ZNF431: variants seen among roughly 807,000 people sequenced by gnomAD.
ZNF431 encodes zinc finger protein 431.
Under a neutral mutation model 57.0 loss-of-function variants are expected in ZNF431, and 34 were observed. The observed-to-expected ratio is 0.60, with a 90% CI of 0.45 to 0.79. The LOEUF is 0.79. Ranked by LOEUF, ZNF431 falls within the 30% of genes least tolerant of loss-of-function variation. The probability of loss-of-function intolerance (pLI) is 0.00; values close to 1 mark genes in which losing one functional copy is unlikely to be tolerated. For synonymous variants in ZNF431, 207 were observed against 220.3 expected, an observed-to-expected ratio of 0.94 and a Z score of 0.54; for missense variants, 607 against 667.1, an observed-to-expected ratio of 0.91 and a Z score of 0.99.
Position 21,161,915 on chromosome 19 carries a change from A to G in ZNF431, c.97-4420A>G, listed in dbSNP as rs900203680. On this transcript the variant is annotated intron_variant, in intron 2 of 4. Coordinates refer to ENST00000311048, the MANE Select transcript of ZNF431 (RefSeq NM_133473.4). ...GTGATTTTCCCACCTAGGCCTCCCA[A>G]AGTGTTGGGATTACAGGCGTGAGCC... Among the ~76,000 whole-genome samples the G allele has an allele frequency of 5.3e-5, 8 of 151,866 alleles. No individual in the cohort carries two copies. The East Asian group carries it at 5.8e-4, about 11-fold the overall frequency.
chr19:21,179,645 C>T (rs771428665), intron 4 of ZNF431, among the ~76,000 whole-genome samples: 23 of 149,424 alleles, frequency 1.5e-4, no homozygotes, highest in East Asian at 3.9e-4. Context: ...CTGCAACCTC[C>T]GCCTCCCAGG....
At chr19:21,167,715 C>CT in intron 4 of ZNF431, 49 bp downstream of exon 4, 1 of 1,333,328 alleles carries the variant, frequency 7.5e-7, no homozygotes, top group African/African-American at 1.5e-5. Flanking sequence ...AGGTCCAAAG[C>CT]TTAAAAAAAA....
At chr19:21,171,139 T>G (rs1040585180) in intron 4 of ZNF431, among the ~76,000 whole-genome samples, 3 of 152,218 alleles carry the variant, frequency 2.0e-5, no homozygotes, top group Admixed American at 6.5e-5. Context: ...AACGTAAAAT[T>G]TATCATATTT....
intron 4 of ZNF431, among the ~76,000 whole-genome samples, chr19:21,178,441 G>A (rs1237945371): frequency 6.6e-6 from 1 of 152,000 alleles, no homozygotes; most frequent in Non-Finnish European, 1.5e-5. Context: ...TCGGCTATGG[G>A]TTTGTCATAG....
At chr19:21,166,882 A>T (rs1302704756) in intron 3 of ZNF431, among the ~76,000 whole-genome samples, 1 of 152,012 alleles carries the variant, frequency 6.6e-6, no homozygotes, top group Non-Finnish European at 1.5e-5. Context: ...TATTTTTTTG[A>T]GATGGAATCT....
At chr19:21,166,498 C>T in intron 3 of ZNF431, 37 bp downstream of exon 3, 1 of 1,558,664 alleles carries the variant, frequency 6.4e-7, no homozygotes, top group Non-Finnish European at 8.6e-7. Context: ...TTAATATGCC[C>T]TAAATGTTTC....
intron 4 of ZNF431, chr19:21,169,917 G>A (rs1317181828): frequency 1.5e-5 from 6 of 398,436 alleles, no homozygotes; most frequent in Non-Finnish European, 2.7e-5. Flanking sequence ...GCAAATAGGT[G>A]TCTTCCTCCA....
rs11880331 is a variant in ZNF431, at chr19:21,170,020, G to T, written c.319+2354G>T. The T allele has an allele frequency of 5.4e-3, 2,132 of 394,802 alleles. 55 individuals carry two copies. Among genetic ancestry groups the T allele is most frequent in the African/African-American group, 0.038 (1,864 of 48,670 alleles). The allele number at this position is 394,802 out of a possible 1,614,324, so 24.5% of individuals were successfully genotyped here. On this transcript the variant is annotated intron_variant, in intron 4 of 4. Coordinates refer to ENST00000311048, the MANE Select transcript of ZNF431 (RefSeq NM_133473.4). Reference sequence around the variant, plus strand: ...ATTTCAGAATTCTCTGTTGGACCAAGTTGGGTGGACCATTTCTTGATCTGT... The same window carrying T: ...ATTTCAGAATTCTCTGTTGGACCAATTTGGGTGGACCATTTCTTGATCTGT...
intron 2 of ZNF431, among the ~76,000 whole-genome samples, chr19:21,144,620 A>G (rs1475067521): frequency 6.6e-6 from 1 of 152,162 alleles, no homozygotes; most frequent in Non-Finnish European, 1.5e-5. Flanking sequence ...TCCCAGAGTG[A>G]GTTTACAAGT....
In ZNF431 at chr19:21,142,202, C is replaced by A. The variant is rs897116757; in HGVS notation, c.3+16C>A. The A allele has an allele frequency of 1.9e-6, 3 of 1,612,896 alleles. No individual in the cohort carries two copies. In the East Asian group the frequency reaches 6.7e-5, roughly 36 times the overall value. On this transcript the variant is annotated intron_variant, in intron 1 of 4. Transcript: ENST00000311048. ...CCTAGAAATGGTGAGAGTGCCGGGTCGGACATCCCGAGAGAGGGGAAGGGC... is the reference window on the plus strand; with the variant it reads ...CCTAGAAATGGTGAGAGTGCCGGGTAGGACATCCCGAGAGAGGGGAAGGGC...
intron 2 of ZNF431, among the ~76,000 whole-genome samples, chr19:21,162,146 G>T (rs1294864453): frequency 4.1e-4 from 1 of 2,460 alleles, no homozygotes; most frequent in South Asian, 0.026. Context: ...CCAGCTAATT[G>T]TGTGTGTGTG....
chr19:21,146,409 G>GAA (rs59050670), intron 2 of ZNF431, among the ~76,000 whole-genome samples: 1 of 108,750 alleles, frequency 9.2e-6, no homozygotes. Flanking sequence ...CACTCTGTCT[G>GAA]AAAAAAAAAA....
chr19:21,180,776 A>C (rs1013918212), intron 4 of ZNF431, among the ~76,000 whole-genome samples: 1 of 152,020 alleles, frequency 6.6e-6, no homozygotes, highest in South Asian at 2.1e-4. Flanking sequence ...GTGAAACCCT[A>C]TCTCTACTAA....
At chr19:21,177,730 A>G (rs537818910) in intron 4 of ZNF431, among the ~76,000 whole-genome samples, 2 of 152,172 alleles carry the variant, frequency 1.3e-5, no homozygotes, top group South Asian at 2.1e-4. Flanking sequence ...GGAGGTTGCA[A>G]TGAGCTGAGA....
chr19:21,150,742 C>T (rs1024830638), intron 2 of ZNF431, among the ~76,000 whole-genome samples: 9 of 152,144 alleles, frequency 5.9e-5, no homozygotes, highest in African/African-American at 2.2e-4. Context: ...CTGAGTATTT[C>T]CCCATAATTG....
intron 4 of ZNF431, among the ~76,000 whole-genome samples, chr19:21,178,797 G>GTGTA (rs923000758): frequency 1.3e-5 from 2 of 149,388 alleles, no homozygotes; most frequent in African/African-American, 5.0e-5. Flanking sequence ...GAAGGTTTGT[G>GTGTA]TGTGTGTGTG....
chr19:21,178,768 T>G (rs1971127406), intron 4 of ZNF431, among the ~76,000 whole-genome samples: 1 of 150,948 alleles, frequency 6.6e-6, no homozygotes, highest in South Asian at 2.1e-4. Context: ...GCATTGATGT[T>G]TATCAGGAAT....
In ZNF431 at chr19:21,182,870, A is replaced by G; in HGVS notation, c.567A>G (p.Leu189=). The G allele has an allele frequency of 1.2e-6, 2 of 1,614,012 alleles. No individual in the cohort carries two copies. Among genetic ancestry groups the G allele is most frequent in the Non-Finnish European group, 1.7e-6 (2 of 1,179,930 alleles). ...DKYVKVFHKF[L]NANRHKTRHT... is the part of the protein sequence containing the mutation. Reference sequence around the variant, plus strand: ...ATGTGAAAGTCTTTCATAAATTTTTAAATGCAAATAGACATAAGACAAGAC... The same window carrying G: ...ATGTGAAAGTCTTTCATAAATTTTTGAATGCAAATAGACATAAGACAAGAC... Residue 189 remains leucine (L), a synonymous_variant, in exon 5 of 5, where the codon TTA becomes TTG. Coordinates refer to ENST00000311048, the MANE Select transcript of ZNF431 (RefSeq NM_133473.4).
At chr19:21,160,350 TAA>T (rs1273657495) in intron 2 of ZNF431, among the ~76,000 whole-genome samples, 1 of 152,164 alleles carries the variant, frequency 6.6e-6, no homozygotes, top group African/African-American at 2.4e-5. Context: ...ACAGAATCTT[TAA>T]GTTTAAACAA....
Sources: allele counts gnomAD v4.1 joint callset (sites outside exome capture counted in the v4.1 genomes callset), GRCh38; gene constraint gnomAD v4.1.1; transcripts MANE v1.5; gene names NCBI Gene and HGNC (gene_info 2026-07-23, HGNC 2026-07-21).